RASGRP3: variants seen among roughly 807,000 people sequenced by gnomAD.
RASGRP3 encodes the protein RAS guanyl releasing protein 3.
Under a neutral mutation model 82.7 loss-of-function variants are expected in RASGRP3, and 54 were observed. The ratio of observed to expected loss-of-function variants is 0.65; its 90% CI spans 0.52 to 0.82. RASGRP3 has a LOEUF of 0.82. Ranked by LOEUF, RASGRP3 falls within the 40% of genes least tolerant of loss-of-function variation. RASGRP3 has a pLI of 0.00. For missense variants in RASGRP3, 861 were observed against 828.9 expected, an observed-to-expected ratio of 1.04 and a Z score of -0.48; for synonymous variants, 309 against 300.5, an observed-to-expected ratio of 1.03 and a Z score of -0.29.
chr2:33,548,843 C>G (rs981971136), intron 13 of RASGRP3, among the ~76,000 whole-genome samples: 3 of 152,058 alleles, frequency 2.0e-5, no homozygotes, highest in Non-Finnish European at 4.4e-5. Flanking sequence ...CACACACCAC[C>G]ACGTCCAGCT....
intron 1 of RASGRP3, among the ~76,000 whole-genome samples, chr2:33,501,611 C>T (rs993071020): frequency 1.3e-5 from 2 of 152,194 alleles, no homozygotes; most frequent in East Asian, 3.8e-4. Context: ...GTTGCAATCC[C>T]AAGTCCACCT....
Position 33,564,589 on chromosome 2 carries a change from CTTTTGCTTCTCAAAGGAATTA to C in RASGRP3, c.*1855_*1875del, listed in dbSNP as rs1677042996. 1 of 152,182 alleles carries C rather than the reference CTTTTGCTTCTCAAAGGAATTA, an allele frequency of 6.6e-6. No individual in the cohort carries two copies. The highest frequency in any genetic ancestry group is 1.5e-5 in the Non-Finnish European group (1 of 68,024). The allele number at this position is 152,182 out of a possible 1,614,324, so 9.4% of individuals were successfully genotyped here. On this transcript the variant is annotated 3_prime_UTR_variant, in exon 18 of 18. Transcript: ENST00000403687. ...ACGTGTTAATAAACATTGTACTGTT[CTTTTGCTTCTCAAAGGAATTA>C]TTCACTTGCCACTTTGGTTATTTTT...
chr2:33,452,542 C>A (rs1665854694), intron 2 of RASGRP3, among the ~76,000 whole-genome samples: 1 of 152,180 alleles, frequency 6.6e-6, no homozygotes, highest in Non-Finnish European at 1.5e-5. Context: ...GGGAGTGAAT[C>A]TGGACCCTGT....
chr2:33,550,621 C>A (rs541589779), intron 14 of RASGRP3, among the ~76,000 whole-genome samples: 1 of 152,256 alleles, frequency 6.6e-6, no homozygotes, highest in Admixed American at 6.5e-5. Flanking sequence ...GAGGGAGGCC[C>A]AGCACCCAGA....
chr2:33,529,688 AC>A (rs1465579138), intron 10 of RASGRP3, among the ~76,000 whole-genome samples: 1 of 151,876 alleles, frequency 6.6e-6, no homozygotes, highest in Non-Finnish European at 1.5e-5. Context: ...TAGATGTGAG[AC>A]CTTGCTTTCA....
upstream of RASGRP3, among the ~76,000 whole-genome samples, chr2:33,473,975 G>A (rs1169031448): frequency 4.4e-5 from 5 of 113,574 alleles, no homozygotes; most frequent in South Asian, 2.8e-4. Context: ...TAGATCCCTC[G>A]CGTGCACAGT....
At chr2:33,489,836 T>G (rs1668701430) in intron 1 of RASGRP3, among the ~76,000 whole-genome samples, 1 of 152,200 alleles carries the variant, frequency 6.6e-6, no homozygotes, top group South Asian at 2.1e-4. Context: ...TGCTCCCAGT[T>G]GACAGATTGT....
rs70938402 is a variant in RASGRP3, at chr2:33,464,110, AATTATT to A, written c.-261+16190_-261+16195del. Among the ~76,000 whole-genome samples, 654 of 144,238 alleles carry A rather than the reference AATTATT, an allele frequency of 4.5e-3. 12 individuals carry two copies. Among genetic ancestry groups the A allele is most frequent in the African/African-American group, 0.014 (555 of 38,516 alleles). 94.6% of individuals were successfully genotyped at this position (144,238 alleles called of 152,430 possible). A position where few individuals can be genotyped will look rare whatever the true frequency, so the allele number is the denominator to read the frequency against. ...AATATTCAAACTTAATAATAATAAT[AATTATT>A]ATTATTATTATTATTATTATTAGAT... On this transcript the variant is annotated intron_variant, in intron 2 of 18. Transcript: ENST00000402538.
chr2:33,460,045 T>C (rs1013718777), intron 2 of RASGRP3, among the ~76,000 whole-genome samples: 1 of 152,202 alleles, frequency 6.6e-6, no homozygotes, highest in Non-Finnish European at 1.5e-5. Flanking sequence ...ATTTTGGAAC[T>C]TTATACAATG....
intron 2 of RASGRP3, among the ~76,000 whole-genome samples, chr2:33,448,274 T>G (rs111887714): frequency 3.0e-4 from 46 of 152,332 alleles, no homozygotes; most frequent in African/African-American, 1.0e-3. Flanking sequence ...CAAGAGTTTC[T>G]TCTCTCAACA....
At chr2:33,452,806 A>G (rs1333642036) in intron 2 of RASGRP3, among the ~76,000 whole-genome samples, 1 of 152,178 alleles carries the variant, frequency 6.6e-6, no homozygotes, top group Non-Finnish European at 1.5e-5. Flanking sequence ...TGGTGCTTGA[A>G]TGGAGCTGCA....
intron 1 of RASGRP3, among the ~76,000 whole-genome samples, 195 bp from the exon 2 acceptor site, chr2:33,511,515 T>A (rs1212783973): frequency 3.3e-5 from 5 of 151,792 alleles, no homozygotes; most frequent in African/African-American, 9.7e-5. Flanking sequence ...TTACTTGATT[T>A]AAAAAAAAAT....
intron 1 of RASGRP3, among the ~76,000 whole-genome samples, chr2:33,440,762 A>C (rs766372602): frequency 4.6e-5 from 7 of 152,234 alleles, no homozygotes; most frequent in Non-Finnish European, 1.0e-4. Context: ...TGAAGAATCT[A>C]TAATCTCATA....
At chr2:33,528,961 A>G (rs1574431294) in intron 10 of RASGRP3, among the ~76,000 whole-genome samples, 1 of 152,194 alleles carries the variant, frequency 6.6e-6, no homozygotes, top group Non-Finnish European at 1.5e-5. Context: ...CTGCAGACCT[A>G]CAGCCACAGG....
intron 7 of RASGRP3, among the ~76,000 whole-genome samples, chr2:33,523,373 G>A (rs1038054016): frequency 5.9e-5 from 9 of 151,908 alleles, no homozygotes; most frequent in Admixed American, 5.2e-4. Flanking sequence ...GCTGAGGCAG[G>A]AGAATTGCTT....
upstream of RASGRP3, among the ~76,000 whole-genome samples, chr2:33,473,314 C>T (rs1286113445): frequency 1.3e-5 from 2 of 151,786 alleles, no homozygotes; most frequent in African/African-American, 2.4e-5. Context: ...ACCTGGGAGA[C>T]GGAGCTTGCA....
rs58876646 is a variant in RASGRP3 at position 33,479,206 on chromosome 2, C to A, written c.-261+2499C>A. Reference sequence around the variant, plus strand: ...ATGACAGGAAGGGCTAGGTTTCCCCCTGTGACAGTCCAAGCCCAAGCTCTC... The same window carrying A: ...ATGACAGGAAGGGCTAGGTTTCCCCATGTGACAGTCCAAGCCCAAGCTCTC... On this transcript the variant is annotated intron_variant, in intron 1 of 17. Transcript: ENST00000403687. Among the ~76,000 whole-genome samples the A allele has an allele frequency of 3.7e-3, 561 of 152,342 alleles. 8 individuals carry two copies. Among genetic ancestry groups the A allele is most frequent in the African/African-American group, 0.013 (543 of 41,566 alleles).
At chr2:33,523,792 T>A in intron 7 of RASGRP3, 87 bp from the exon 8 acceptor site, 1 of 1,276,498 alleles carries the variant, frequency 7.8e-7, no homozygotes, top group Non-Finnish European at 1.1e-6. Flanking sequence ...TACGAAACAA[T>A]ATCTCACCTT....
In RASGRP3 at chr2:33,543,576, T is replaced by G. The variant is rs763847141; in HGVS notation, c.1343T>G (p.Ile448Arg). 21 of 1,612,104 alleles carry G rather than the reference T, an allele frequency of 1.3e-5. No individual in the cohort carries two copies. Among genetic ancestry groups the G allele is most frequent in the Non-Finnish European group, 1.8e-5 (21 of 1,178,560 alleles). The change falls in exon 13 of 18, where the codon ATA becomes AGA. Residue 448 changes from isoleucine (I) to arginine (R), a missense_variant. Ile to Arg is a moderately conservative substitution (Grantham distance 97, BLOSUM62 -3). Transcript: ENST00000403687. ...ATTTCCCAAGAGGACTTTGAAAGTA[T>G]AGCTGCCAATTTTCCCTTCTTGGAT... is the stretch of plus-strand genomic sequence containing the variant. ...GYISQEDFES[I>R]AANFPFLDSF...
Sources: allele counts gnomAD v4.1 joint callset (sites outside exome capture counted in the v4.1 genomes callset), GRCh38; gene constraint gnomAD v4.1.1; transcripts MANE v1.5; gene names NCBI Gene and HGNC (gene_info 2026-07-23, HGNC 2026-07-21).